Variants in ADGB observed in about 807,000 individuals in gnomAD.
ADGB encodes calpain-7-like protein.
A neutral mutation model predicts 210.5 loss-of-function variants in ADGB; 172 were observed. The observed-to-expected ratio is 0.82, with a 90% CI of 0.72 to 0.93. The LOEUF (loss-of-function observed/expected upper bound fraction) is 0.93, where lower values mean the gene tolerates loss of function less well. Among genes scored for constraint, ADGB ranks in the 40% least tolerant of loss-of-function variants. The pLI is 0.00. For missense variants in ADGB, 2,025 were observed against 1,964.8 expected (o/e 1.03, Z -0.58); for synonymous variants, 658 against 662.7 (o/e 0.99, Z 0.11).
At chr6:146,698,274 C>T (rs1028482544) in intron 12 of ADGB, among the ~76,000 whole-genome samples, 1 of 152,168 alleles carries the variant, frequency 6.6e-6, no homozygotes, top group Non-Finnish European at 1.5e-5. Flanking sequence ...TTATTAAAAT[C>T]ATTGAATGGT....
rs776341485 is a variant in ADGB, at chr6:146,801,298, G to T, written c.4634+19G>T. The T allele has an allele frequency of 2.3e-4, 298 of 1,308,396 alleles. 1 individual carries two copies. The Middle Eastern group carries it at 3.0e-3, about 13-fold the overall frequency. 81.0% of individuals were successfully genotyped at this position (1,308,396 alleles called of 1,614,324 possible). ...ATGTTCGGTAAGTTTTCATAAACAT[G>T]ATTGATGCAGACAACTGTGTGTTTT... On this transcript the variant is annotated intron_variant, in intron 34 of 35. Coordinates refer to ENST00000397944, the MANE Select transcript of ADGB (RefSeq NM_024694.4).
At chr6:146,793,111 T>C (rs1777975977) in intron 33 of ADGB, among the ~76,000 whole-genome samples, 1 of 152,218 alleles carries the variant, frequency 6.6e-6, no homozygotes, top group Non-Finnish European at 1.5e-5. Flanking sequence ...CATGTTCTGT[T>C]TCTGTCCTAT....
At chr6:146,639,215 C>T (rs1168131352) in intron 2 of ADGB, 1 of 153,146 alleles carries the variant, frequency 6.5e-6, no homozygotes, top group Non-Finnish European at 1.5e-5. Flanking sequence ...TGTAGGAATT[C>T]AGTGCTTTGA....
intron 1 of ADGB, chr6:146,600,399 C>T (rs1404840508): frequency 4.3e-6 from 1 of 231,148 alleles, no homozygotes; most frequent in South Asian, 4.8e-5. Flanking sequence ...CTTCCACTAG[C>T]CTTCTCTCCA....
At chr6:146,712,328 G>A (rs1303984453) in intron 13 of ADGB, among the ~76,000 whole-genome samples, 2 of 150,548 alleles carry the variant, frequency 1.3e-5, no homozygotes, top group Non-Finnish European at 2.9e-5. Context: ...GGGGCTACAG[G>A]CACTTGTCAC....
intron 33 of ADGB, among the ~76,000 whole-genome samples, chr6:146,789,675 G>A (rs1000252142): frequency 6.6e-6 from 1 of 152,092 alleles, no homozygotes; most frequent in Non-Finnish European, 1.5e-5. Context: ...TCACATGATG[G>A]TAGCAGTAAA....
chr6:146,717,878 A>G (rs952846165), intron 16 of ADGB, among the ~76,000 whole-genome samples: 16 of 152,218 alleles, frequency 1.1e-4, no homozygotes, highest in African/African-American at 3.9e-4. Flanking sequence ...AAAATGAAGG[A>G]CATGCACAAA....
At chr6:146,765,081 G>C (rs768447501) in intron 28 of ADGB, among the ~76,000 whole-genome samples, 3 of 151,964 alleles carry the variant, frequency 2.0e-5, no homozygotes, top group Non-Finnish European at 4.4e-5. Context: ...TTACAGGTGC[G>C]AGCCACCGTG....
chr6:146,681,133 C>T (rs933132434), intron 9 of ADGB, among the ~76,000 whole-genome samples: 4 of 152,178 alleles, frequency 2.6e-5, no homozygotes, highest in Non-Finnish European at 5.9e-5. Flanking sequence ...GCCCAAACTT[C>T]ATGTTGAATT....
intron 9 of ADGB, among the ~76,000 whole-genome samples, chr6:146,680,433 C>T (rs1023839561): frequency 2.0e-5 from 3 of 152,058 alleles, no homozygotes; most frequent in African/African-American, 7.2e-5. Flanking sequence ...TAGTGTGTTC[C>T]TTATAGCAGC....
chr6:146,732,171 CCA>C (rs1237415599), intron 20 of ADGB, among the ~76,000 whole-genome samples: 1 of 152,144 alleles, frequency 6.6e-6, no homozygotes, highest in Non-Finnish European at 1.5e-5. Context: ...AACTCTTGAT[CCA>C]CGGGTATGTT....
intron 35 of ADGB, among the ~76,000 whole-genome samples, chr6:146,811,669 T>G (rs1778304903): frequency 6.6e-6 from 1 of 152,102 alleles, no homozygotes; most frequent in Non-Finnish European, 1.5e-5. Flanking sequence ...TTGCTGTGTT[T>G]TTTTGTTTTG....
intron 27 of ADGB, 121 bp from the exon 28 acceptor site, chr6:146,763,780 A>G: frequency 1.1e-6 from 1 of 903,760 alleles, no homozygotes; most frequent in Non-Finnish European, 1.6e-6. Context: ...TTTTTATCTC[A>G]CTAAAACAAA....
chr6:146,643,819 A>G (rs957047027), intron 2 of ADGB, among the ~76,000 whole-genome samples: 3 of 151,886 alleles, frequency 2.0e-5, no homozygotes, highest in African/African-American at 7.2e-5. Flanking sequence ...CACAGCAATA[A>G]ACAAGAACAA....
intron 28 of ADGB, among the ~76,000 whole-genome samples, chr6:146,764,457 A>G (rs1777545020): frequency 6.6e-6 from 1 of 152,126 alleles, no homozygotes; most frequent in South Asian, 2.1e-4. Flanking sequence ...AATAAAACTT[A>G]ATTTGTATGT....
intron 35 of ADGB, among the ~76,000 whole-genome samples, chr6:146,813,453 A>T (rs74567027): frequency 0.34 from 51,000 of 151,350 alleles, 9,040 homozygotes; most frequent in East Asian, 0.67. Flanking sequence ...AGATGCAGAA[A>T]TTTTTTTTCT....
chr6:146,713,450 G>T (rs528878527), intron 13 of ADGB, among the ~76,000 whole-genome samples: 2 of 152,218 alleles, frequency 1.3e-5, no homozygotes, highest in African/African-American at 4.8e-5. Context: ...GGCATGAAAT[G>T]GTGTCTCATT....
Position 146,693,310 on chromosome 6 carries a change from G to A in ADGB, c.1577+395G>A, listed in dbSNP as rs374879791. On this transcript the variant is annotated intron_variant, in intron 12 of 35. Coordinates refer to ENST00000397944, the MANE Select transcript of ADGB (RefSeq NM_024694.4). The stretch of plus-strand genomic sequence containing the variant: ...AGTGACCTTCTGAGGAGAGACACCA[G>A]AGAGTTCTCTCTCTCTCTGTCTCTT... 4.6e-5 allele frequency among the ~76,000 whole-genome samples: 7 copies of A among 152,238 alleles called. No homozygotes were observed. In the East Asian group the frequency reaches 1.2e-3, roughly 25 times the overall value.
chr6:146,625,995 G>A (rs184911569), intron 1 of ADGB, among the ~76,000 whole-genome samples: 36 of 151,476 alleles, frequency 2.4e-4, no homozygotes, highest in Non-Finnish European at 4.3e-4. Context: ...TGTTCTTATC[G>A]TTTTATTCCT....
Sources: gnomAD v4.1 joint callset for allele counts (sites outside exome capture counted in the v4.1 genomes callset) on GRCh38, gnomAD v4.1.1 for gene constraint, MANE v1.5 for transcripts, NCBI Gene and HGNC (gene_info 2026-07-23, HGNC 2026-07-21) for gene names.